The following KALRN variants were observed in gnomAD, a reference collection of about 807,000 sequenced individuals.
The protein encoded by KALRN is kalirin.
A neutral mutation model predicts 353.7 loss-of-function variants in KALRN; 70 were observed. The observed-to-expected ratio is 0.20, with a 90% CI of 0.16 to 0.24. KALRN has a LOEUF of 0.24. Ranked by LOEUF, KALRN falls within the 10% of genes least tolerant of loss-of-function variation. The pLI, the probability that KALRN is intolerant of heterozygous loss-of-function variation, is 1.00. For missense variants in KALRN, 2,791 were observed against 3,756.7 expected, an observed-to-expected ratio of 0.74 and a Z score of 6.72; for synonymous variants, 1,391 against 1,434.8, an observed-to-expected ratio of 0.97 and a Z score of 0.69.
At chr3:124,175,311 G>A (rs73186259) in intron 1 of KALRN, among the ~76,000 whole-genome samples, 42,098 of 151,924 alleles carry the variant, frequency 0.28, 6,421 homozygotes, top group East Asian at 0.47. Context: ...GCCCAGGCCT[G>A]CTCTCCAGGA....
chr3:124,222,321 A>G (rs2014248), intron 1 of KALRN, among the ~76,000 whole-genome samples: 43,261 of 152,118 alleles, frequency 0.28, 7,671 homozygotes, highest in Non-Finnish European at 0.4. Context: ...TACCTCCCAG[A>G]TAGCTTTTTT....
chr3:124,137,539 G>T (rs2066073142), intron 1 of KALRN, among the ~76,000 whole-genome samples: 1 of 152,176 alleles, frequency 6.6e-6, no homozygotes, highest in Admixed American at 6.5e-5. Flanking sequence ...ATGCCACCTT[G>T]TCCTTGTTTG....
At chr3:124,599,182 A>C (rs1485687170) in intron 34 of KALRN, among the ~76,000 whole-genome samples, 1 of 152,212 alleles carries the variant, frequency 6.6e-6, no homozygotes, top group Non-Finnish European at 1.5e-5. Flanking sequence ...TATTTCCGAA[A>C]GGTTTTGCTA....
intron 10 of KALRN, among the ~76,000 whole-genome samples, chr3:124,382,016 A>G (rs1401071917): frequency 5.9e-5 from 9 of 152,130 alleles, no homozygotes; most frequent in Non-Finnish European, 8.8e-5. Context: ...AGGCAGGGTA[A>G]TTTAATGGGT....
intron 33 of KALRN, among the ~76,000 whole-genome samples, chr3:124,521,101 T>C (rs954680504): frequency 1.7e-4 from 26 of 152,208 alleles, no homozygotes; most frequent in Admixed American, 1.3e-4. Flanking sequence ...CCTTGTGTGA[T>C]TGGAGATCCC....
At chr3:124,646,412 A>ATTTTTTTTTTTTTTTTTTTTTTT (rs1559758779) in intron 37 of KALRN, among the ~76,000 whole-genome samples, 4 of 125,536 alleles carry the variant, frequency 3.2e-5, no homozygotes, top group African/African-American at 6.0e-5. Context: ...TTTTTTTGAG[A>ATTTTTTTTTTTTTTTTTTTTTTT]CAGAGCCTTG....
chr3:124,087,229 A>G (rs942663257), intron 1 of KALRN, among the ~76,000 whole-genome samples: 1 of 152,190 alleles, frequency 6.6e-6, no homozygotes, highest in Non-Finnish European at 1.5e-5. Flanking sequence ...AAAATCTTGG[A>G]GCTACAGATT....
At chr3:124,715,694 G>T (rs1203713230) in intron 58 of KALRN, among the ~76,000 whole-genome samples, 3 of 152,176 alleles carry the variant, frequency 2.0e-5, no homozygotes, top group African/African-American at 7.2e-5. Context: ...ACTTGACCAG[G>T]GGGATTTCAG....
intron 34 of KALRN, among the ~76,000 whole-genome samples, chr3:124,610,637 G>C (rs1034383393): frequency 8.5e-6 from 1 of 117,190 alleles, no homozygotes; most frequent in Non-Finnish European, 2.0e-5. Context: ...CTAACCCTGG[G>C]GGGGGCGGCT....
intron 1 of KALRN, among the ~76,000 whole-genome samples, chr3:124,105,121 A>T (rs1033954878): frequency 3.3e-5 from 5 of 152,160 alleles, no homozygotes; most frequent in African/African-American, 1.2e-4. Context: ...GCCTATGGAG[A>T]GGAAGGAAGA....
At position 124,724,130 on chromosome 3, in the gene KALRN, CTTG is replaced by C. The variant is rs1481290501; in HGVS notation, c.*4661_*4663del. On this transcript the variant is annotated 3_prime_UTR_variant, in exon 60 of 60. Coordinates refer to ENST00000682506, the MANE Select transcript of KALRN (RefSeq NM_001388419.1). ...CCCACGAGTTAGGCATTACTTTTTT[CTTG>C]CCTCTGTGGAAGAGCATGGCAATTT... The C allele has an allele frequency of 6.7e-6, 1 of 149,942 alleles. No individual in the cohort carries two copies. Among genetic ancestry groups the C allele is most frequent in the Non-Finnish European group, 1.5e-5 (1 of 67,622 alleles). The allele number at this position is 149,942 out of a possible 1,614,324, so 9.3% of individuals were successfully genotyped here.
chr3:124,410,228 TC>T (rs1406912115), intron 13 of KALRN: 1 of 533,136 alleles, frequency 1.9e-6, no homozygotes, highest in Non-Finnish European at 3.8e-6. Context: ...CACCTTCCAC[TC>T]CATAGATTCC....
At chr3:124,658,966 A>G (rs2084456184) in intron 42 of KALRN, among the ~76,000 whole-genome samples, 1 of 152,188 alleles carries the variant, frequency 6.6e-6, no homozygotes, top group Non-Finnish European at 1.5e-5. Context: ...CATCACTTAG[A>G]AAAAGCACTC....
intron 10 of KALRN, among the ~76,000 whole-genome samples, chr3:124,348,023 T>C (rs1279703470): frequency 6.6e-6 from 1 of 152,196 alleles, no homozygotes. Flanking sequence ...TTATCCTAAC[T>C]CTGTTATATT....
At chr3:124,685,944 C>T (rs1462979302) in intron 51 of KALRN, among the ~76,000 whole-genome samples, 1 of 152,056 alleles carries the variant, frequency 6.6e-6, no homozygotes, top group Non-Finnish European at 1.5e-5. Flanking sequence ...CCCAACCCCA[C>T]CCCCATGCTG....
Position 124,439,041 on chromosome 3 carries a change from A to G in KALRN, c.3198+4A>G, listed in dbSNP as rs1165445005. 1 of 1,613,928 alleles carries G rather than the reference A, an allele frequency of 6.2e-7. No individual in the cohort carries two copies. The highest frequency in any genetic ancestry group is 8.5e-7 in the Non-Finnish European group (1 of 1,179,856). ...ACAAAAGGAGGCCTTTCTTAAGGTC[A>G]GAGCACATTGTCATGCAAGGGCTCA... On this transcript the variant is annotated splice_donor_region_variant and intron_variant, in intron 18 of 59. Coordinates refer to ENST00000682506, the MANE Select transcript of KALRN (RefSeq NM_001388419.1).
chr3:124,644,402 G>A (rs1192920495), intron 37 of KALRN, among the ~76,000 whole-genome samples: 1 of 152,060 alleles, frequency 6.6e-6, no homozygotes, highest in East Asian at 1.9e-4. Flanking sequence ...AGGTATACAC[G>A]TGTCATGGTG....
intron 12 of KALRN, 35 bp downstream of exon 12, chr3:124,395,378 C>T (rs778992469): frequency 4.5e-6 from 7 of 1,555,712 alleles, no homozygotes; most frequent in African/African-American, 1.4e-5. Flanking sequence ...TGGGAAATGC[C>T]TCGGGCTAGA....
At chr3:124,440,761 C>A (rs557821011) in intron 18 of KALRN, among the ~76,000 whole-genome samples, 22 of 151,930 alleles carry the variant, frequency 1.4e-4, no homozygotes, top group African/African-American at 5.3e-4. Flanking sequence ...TAATTTAATT[C>A]TGAAAACTAT....
Sources: gnomAD v4.1 joint callset for allele counts (sites outside exome capture counted in the v4.1 genomes callset) on GRCh38, gnomAD v4.1.1 for gene constraint, MANE v1.5 for transcripts, NCBI Gene and HGNC (gene_info 2026-07-23, HGNC 2026-07-21) for gene names.